The following DAPK1 variants were observed in gnomAD, a reference collection of about 807,000 sequenced individuals.
DAPK1 encodes the protein death-associated protein kinase 1.
A neutral mutation model predicts 144.9 loss-of-function variants in DAPK1; 56 were observed. The observed-to-expected ratio is 0.39, with a 90% CI of 0.31 to 0.48. DAPK1 has a LOEUF of 0.48. DAPK1 is among the 20% of genes least tolerant of loss of function. The pLI is 0.95. For synonymous variants in DAPK1, 690 were observed against 749.0 expected, an observed-to-expected ratio of 0.92 and a Z score of 1.29; for missense variants, 1,454 against 1,875.4, an observed-to-expected ratio of 0.78 and a Z score of 4.15.
At position 87,651,806 on chromosome 9, in the gene DAPK1, C is replaced by T. The variant is rs865869568; in HGVS notation, c.1824+82C>T. 327 of 1,257,680 alleles carry T rather than the reference C, an allele frequency of 2.6e-4. 1 individual carries two copies. The Middle Eastern group carries it at 5.8e-3, about 22-fold the overall frequency. The allele number at this position is 1,257,680 out of a possible 1,614,324, so 77.9% of individuals were successfully genotyped here. On this transcript the variant is annotated intron_variant, in intron 17 of 25. Coordinates refer to ENST00000408954, the MANE Select transcript of DAPK1 (RefSeq NM_004938.4). ...TGGGTCCTGATTCTGTGTCCTCTCA[C>T]CTGATCCCAGGTCCTGATTCTGTGT...
At chr9:87,655,448 C>A (rs1830599758) in intron 17 of DAPK1, among the ~76,000 whole-genome samples, 1 of 152,132 alleles carries the variant, frequency 6.6e-6, no homozygotes, top group South Asian at 2.1e-4. Flanking sequence ...CCTACCAAAG[C>A]ACATCCAGCT....
At chr9:87,702,500 G>C (rs577038681) in intron 24 of DAPK1, among the ~76,000 whole-genome samples, 25 of 152,246 alleles carry the variant, frequency 1.6e-4, no homozygotes, top group African/African-American at 6.0e-4. Flanking sequence ...TTGCCTGAGT[G>C]AAACAGTCAC....
intron 2 of DAPK1, among the ~76,000 whole-genome samples, chr9:87,523,913 C>A (rs545299913): frequency 2.0e-5 from 3 of 152,174 alleles, no homozygotes; most frequent in Non-Finnish European, 4.4e-5. Context: ...TTGAGCTAGA[C>A]TGATGAAATC....
Position 87,574,857 on chromosome 9 carries a change from G to A in DAPK1, c.63-30097G>A, listed in dbSNP as rs528569336. Among the ~76,000 whole-genome samples the A allele has an allele frequency of 7.9e-5, 12 of 152,168 alleles. No individual in the cohort carries two copies. In the East Asian group the frequency reaches 2.3e-3, roughly 30 times the overall value. ...AATCGCTTGAACCTGGGAGGTGGAG[G>A]TTGCAGTGAGCTGAGATCATGCCAC... On this transcript the variant is annotated intron_variant, in intron 2 of 25. Coordinates refer to ENST00000408954, the MANE Select transcript of DAPK1 (RefSeq NM_004938.4).
chr9:87,522,056 C>G (rs1330440814), intron 2 of DAPK1, among the ~76,000 whole-genome samples: 1 of 152,170 alleles, frequency 6.6e-6, no homozygotes, highest in African/African-American at 2.4e-5. Context: ...TCACCAGGTG[C>G]CAGCGCCATG....
chr9:87,578,256 C>A (rs1173369882), intron 2 of DAPK1, among the ~76,000 whole-genome samples: 3 of 152,152 alleles, frequency 2.0e-5, no homozygotes, highest in Non-Finnish European at 2.9e-5. Flanking sequence ...AAATTAGGAT[C>A]ATATGGATGT....
At chr9:87,621,701 G>A (rs1829298694) in intron 3 of DAPK1, among the ~76,000 whole-genome samples, 1 of 152,166 alleles carries the variant, frequency 6.6e-6, no homozygotes, top group Admixed American at 6.5e-5. Flanking sequence ...TCCTGATGCA[G>A]GCAGCTGAGG....
At position 87,691,435 on chromosome 9, in the gene DAPK1, G is replaced by T. The variant is rs530922005; in HGVS notation, c.2413+4696G>T. ...TAGCAATTTTGTTTATATTATAAAA[G>T]AACAATTTTTCATTTCATCAGTTCT... On this transcript the variant is annotated intron_variant, in intron 21 of 25. Coordinates refer to ENST00000408954, the MANE Select transcript of DAPK1 (RefSeq NM_004938.4). Among the ~76,000 whole-genome samples, 87 of 151,838 alleles carry T rather than the reference G, an allele frequency of 5.7e-4. 2 individuals carry two copies. Among genetic ancestry groups the T allele is most frequent in the African/African-American group, 2.0e-3 (84 of 41,484 alleles).
intron 17 of DAPK1, among the ~76,000 whole-genome samples, chr9:87,654,703 G>A (rs1830573850): frequency 6.6e-6 from 1 of 152,162 alleles, no homozygotes; most frequent in African/African-American, 2.4e-5. Context: ...GCAGCTTCAA[G>A]GGACATCTGC....
intron 8 of DAPK1, 67 bp from the exon 9 acceptor site, chr9:87,640,735 A>T (rs1830066454): frequency 6.4e-7 from 1 of 1,553,548 alleles, no homozygotes; most frequent in South Asian, 1.1e-5. Flanking sequence ...CCCAGCCAGC[A>T]TGAAAACAAC....
chr9:87,609,757 T>C lies in DAPK1; in HGVS notation c.284+4582T>C, dbSNP rs560292418. On this transcript the variant is annotated intron_variant, in intron 3 of 25. Coordinates refer to ENST00000408954, the MANE Select transcript of DAPK1 (RefSeq NM_004938.4). ...GTCAGAATATAACCCCAGGAGGTAA[T>C]AGTGGCTGTGTGTCTGAATCTTCTG... Among the ~76,000 whole-genome samples, 4 of 152,254 alleles carry C rather than the reference T, an allele frequency of 2.6e-5. No individual in the cohort carries two copies. The South Asian group carries it at 8.3e-4, about 32-fold the overall frequency.
chr9:87,557,817 T>A (rs1291728197), intron 2 of DAPK1, among the ~76,000 whole-genome samples: 1 of 152,156 alleles, frequency 6.6e-6, no homozygotes, highest in Non-Finnish European at 1.5e-5. Flanking sequence ...GGCATGCACC[T>A]GTAGTCCCAG....
intron 2 of DAPK1, among the ~76,000 whole-genome samples, chr9:87,536,000 A>G (rs554555596): frequency 2.6e-4 from 39 of 152,338 alleles, no homozygotes; most frequent in African/African-American, 8.7e-4. Context: ...GATTTTTCAA[A>G]GAGGGTCATT....
Position 87,706,347 on chromosome 9 carries a change from C to T in DAPK1, c.3276C>T (p.Ala1092=). 1 of 1,608,176 alleles carries T rather than the reference C, an allele frequency of 6.2e-7. No homozygotes were observed. The highest frequency in any genetic ancestry group is 8.5e-7 in the Non-Finnish European group (1 of 1,177,088). ...TCCTCGATGCCATGGACATCTGCGCCCGGGACCTGAGCAGCGGGACCATGG... is the reference window on the plus strand; with the variant it reads ...TCCTCGATGCCATGGACATCTGCGCTCGGGACCTGAGCAGCGGGACCATGG... ...LQILDAMDIC[A]RDLSSGTMVD... The change falls in exon 26 of 26, where the codon GCC becomes GCT. Residue 1092 remains alanine, a synonymous_variant. Coordinates refer to ENST00000408954, the MANE Select transcript of DAPK1 (RefSeq NM_004938.4). This position sits in a 1 kb window ranked among gnomAD's most constrained non-coding sequence, Gnocchi z 9.0.
chr9:87,672,419 T>G (rs1388061747), intron 19 of DAPK1, among the ~76,000 whole-genome samples: 1 of 152,202 alleles, frequency 6.6e-6, no homozygotes, highest in Admixed American at 6.5e-5. Context: ...ACCTGTGATC[T>G]GCTTTTAATC....
chr9:87,648,551 T>C, intron 14 of DAPK1: 1 of 489,554 alleles, frequency 2.0e-6, no homozygotes, highest in African/African-American at 1.9e-5. Flanking sequence ...CTGAGTTGTT[T>C]GCACTTCACA....
At chr9:87,589,488 C>T (rs1434567848) in intron 2 of DAPK1, among the ~76,000 whole-genome samples, 1 of 152,106 alleles carries the variant, frequency 6.6e-6, no homozygotes, top group African/African-American at 2.4e-5. Context: ...TGCATTCACA[C>T]CATCAGCAGG....
chr9:87,648,635 C>T (rs1830342640), intron 14 of DAPK1, 146 bp from the exon 15 acceptor site: 2 of 666,758 alleles, frequency 3.0e-6, no homozygotes, highest in South Asian at 3.6e-5. Flanking sequence ...ATCCTAGCCA[C>T]TATAGGGGCA....
chr9:87,515,013 A>G (rs1328584477), intron 2 of DAPK1, among the ~76,000 whole-genome samples: 1 of 152,248 alleles, frequency 6.6e-6, no homozygotes, highest in African/African-American at 2.4e-5. Context: ...GGGGGAGTCC[A>G]AAGAAGGCAA....
Sources: gnomAD v4.1 joint callset for allele counts (sites outside exome capture counted in the v4.1 genomes callset) on GRCh38, gnomAD v4.1.1 for gene constraint, Gnocchi (gnomAD v3.1) non-coding constraint, MANE v1.5 for transcripts, NCBI Gene and HGNC (gene_info 2026-07-23, HGNC 2026-07-21) for gene names.